The following KCNQ3 variants were observed in gnomAD, a reference collection of about 807,000 sequenced individuals.
The protein encoded by KCNQ3 is potassium voltage-gated channel subfamily KQT member 3.
KCNQ3 carries 30 observed loss-of-function variants against 92.5 expected under a neutral mutation model. That is an observed-to-expected ratio of 0.32 (90% CI 0.24 to 0.44). The LOEUF (loss-of-function observed/expected upper bound fraction) is 0.44, where lower values mean the gene tolerates loss of function less well. Among genes scored for constraint, KCNQ3 ranks in the 20% least tolerant of loss-of-function variants. The probability of loss-of-function intolerance (pLI) is 1.00; values close to 1 mark genes in which losing one functional copy is unlikely to be tolerated. For synonymous variants in KCNQ3, 450 were observed against 468.8 expected, an observed-to-expected ratio of 0.96 and a Z score of 0.52; for missense variants, 913 against 1,140.3, an observed-to-expected ratio of 0.80 and a Z score of 2.87.
chr8:132,296,513 A>T (rs1399443639), intron 1 of KCNQ3, among the ~76,000 whole-genome samples: 1 of 152,012 alleles, frequency 6.6e-6, no homozygotes, highest in Non-Finnish European at 1.5e-5. Context: ...AGCGTTAGGT[A>T]TATCTCCTAA....
intron 1 of KCNQ3, among the ~76,000 whole-genome samples, chr8:132,476,281 C>T (rs966300934): frequency 6.6e-6 from 1 of 152,236 alleles, no homozygotes; most frequent in Non-Finnish European, 1.5e-5. Context: ...CACACAGAAT[C>T]CCCAATGGGA....
intron 6 of KCNQ3, among the ~76,000 whole-genome samples, chr8:132,173,718 T>C (rs971298043): frequency 1.3e-5 from 2 of 152,206 alleles, no homozygotes; most frequent in Admixed American, 1.3e-4. Context: ...ATTACGTACC[T>C]GGACACTGGG....
intron 9 of KCNQ3, among the ~76,000 whole-genome samples, chr8:132,154,192 A>ATTTTTTTTT (rs1563775830): frequency 8.6e-5 from 9 of 104,476 alleles, no homozygotes; most frequent in African/African-American, 3.0e-4. Flanking sequence ...AAAGGGTAAA[A>ATTTTTTTTT]GTTTTTTTTT....
intron 1 of KCNQ3, among the ~76,000 whole-genome samples, chr8:132,458,077 A>G (rs1483964340): frequency 6.6e-6 from 1 of 152,152 alleles, no homozygotes; most frequent in African/African-American, 2.4e-5. Context: ...AAATCATGTC[A>G]GAGTCCAGGC....
At chr8:132,276,059 G>A (rs1232820826) in intron 1 of KCNQ3, among the ~76,000 whole-genome samples, 1 of 152,208 alleles carries the variant, frequency 6.6e-6, no homozygotes, top group Non-Finnish European at 1.5e-5. Context: ...CACCTCATCT[G>A]ATTTGCACAA....
chr8:132,389,969 C>T (rs3857926), intron 1 of KCNQ3, among the ~76,000 whole-genome samples: 1,572 of 152,176 alleles, frequency 0.01, 25 homozygotes, highest in African/African-American at 0.034. Flanking sequence ...AAAGCACATA[C>T]AAAAACACTC....
At chr8:132,439,159 T>A (rs983794899) in intron 1 of KCNQ3, among the ~76,000 whole-genome samples, 1 of 151,812 alleles carries the variant, frequency 6.6e-6, no homozygotes, top group African/African-American at 2.4e-5. Context: ...CCCTAACCCA[T>A]TCTGGCAAAG....
chr8:132,373,296 A>G (rs1819524772), intron 1 of KCNQ3, among the ~76,000 whole-genome samples: 1 of 152,156 alleles, frequency 6.6e-6, no homozygotes, highest in Admixed American at 6.6e-5. Context: ...GACTCCATAT[A>G]TTTATTAATA....
rs191935273 is a variant in KCNQ3 at position 132,470,709 on chromosome 8, T to C, written c.386+9438A>G. ...TCCTTATATAATGTCCCCTGTTATTTATTTTTTTCAGCTGGAACCAATCAA... is the reference window on the plus strand; with the variant it reads ...TCCTTATATAATGTCCCCTGTTATTCATTTTTTTCAGCTGGAACCAATCAA... On this transcript the variant is annotated intron_variant, in intron 1 of 14. Coordinates refer to ENST00000388996, the MANE Select transcript of KCNQ3 (RefSeq NM_004519.4). 2.7e-3 allele frequency among the ~76,000 whole-genome samples: 410 copies of C among 152,362 alleles called. 1 individual carries two copies. Among genetic ancestry groups the C allele is most frequent in the Non-Finnish European group, 5.1e-3 (347 of 68,034 alleles).
intron 1 of KCNQ3, among the ~76,000 whole-genome samples, chr8:132,217,108 C>T (rs779842388): frequency 2.0e-5 from 3 of 151,970 alleles, no homozygotes; most frequent in African/African-American, 7.3e-5. Context: ...TATACAATGG[C>T]GCACCTCTCT....
intron 9 of KCNQ3, among the ~76,000 whole-genome samples, chr8:132,162,363 A>G (rs1177564812): frequency 2.0e-5 from 3 of 152,168 alleles, no homozygotes; most frequent in Non-Finnish European, 4.4e-5. Context: ...GAAAGCAAAG[A>G]ACACCCTGTT....
At chr8:132,230,502 C>A (rs1425542228) in intron 1 of KCNQ3, among the ~76,000 whole-genome samples, 1 of 149,634 alleles carries the variant, frequency 6.7e-6, no homozygotes, top group African/African-American at 2.5e-5. Context: ...AACCTCTTAC[C>A]ATATTAAGTC....
intron 14 of KCNQ3, among the ~76,000 whole-genome samples, chr8:132,131,251 A>G (rs1198799335): frequency 6.6e-6 from 1 of 152,248 alleles, no homozygotes; most frequent in Non-Finnish European, 1.5e-5. Flanking sequence ...GGTCCCATTT[A>G]GGGTTTTGAA....
At chr8:132,405,015 G>A (rs969001982) in intron 1 of KCNQ3, among the ~76,000 whole-genome samples, 3 of 152,176 alleles carry the variant, frequency 2.0e-5, no homozygotes, top group South Asian at 2.1e-4. Context: ...GTACACATCT[G>A]CAGGAATAGG....
chr8:132,291,694 C>T (rs933990414), intron 1 of KCNQ3, among the ~76,000 whole-genome samples: 17 of 152,144 alleles, frequency 1.1e-4, no homozygotes, highest in African/African-American at 4.1e-4. Context: ...TCACACATAA[C>T]CAGATGCAGA....
intron 1 of KCNQ3, among the ~76,000 whole-genome samples, chr8:132,272,386 T>C (rs1816177615): frequency 6.6e-6 from 1 of 152,224 alleles, no homozygotes; most frequent in East Asian, 1.9e-4. Flanking sequence ...CTACCCTTTC[T>C]GTAGCCACTG....
chr8:132,229,101 G>T (rs1180354637), intron 1 of KCNQ3, among the ~76,000 whole-genome samples: 1 of 151,906 alleles, frequency 6.6e-6, no homozygotes, highest in Non-Finnish European at 1.5e-5. Flanking sequence ...TAAAAATACA[G>T]AAATTAGCTG....
chr8:132,331,698 C>T (rs985153053), intron 1 of KCNQ3, among the ~76,000 whole-genome samples: 21 of 152,196 alleles, frequency 1.4e-4, no homozygotes, highest in Non-Finnish European at 2.4e-4. Flanking sequence ...GTAAAGGAGA[C>T]ACAGCATAGT....
chr8:132,228,503 A>C (rs1814506536), intron 1 of KCNQ3, among the ~76,000 whole-genome samples: 1 of 152,230 alleles, frequency 6.6e-6, no homozygotes, highest in East Asian at 1.9e-4. Flanking sequence ...TACCTACTTC[A>C]GAGAATTCTT....
Sources: allele counts gnomAD v4.1 joint callset (sites outside exome capture counted in the v4.1 genomes callset), GRCh38; gene constraint gnomAD v4.1.1; transcripts MANE v1.5; gene names NCBI Gene and HGNC (gene_info 2026-07-23, HGNC 2026-07-21).